Variants in TENM2 observed in about 807,000 individuals in gnomAD.
TENM2 encodes the protein teneurin transmembrane protein 2.
TENM2 carries 52 observed loss-of-function variants against 245.2 expected under a neutral mutation model. That is an observed-to-expected ratio of 0.21 (90% CI 0.17 to 0.27). The LOEUF (loss-of-function observed/expected upper bound fraction) is 0.27, where lower values mean the gene tolerates loss of function less well. TENM2 is among the 10% of genes least tolerant of loss of function. The pLI is 1.00. For synonymous variants in TENM2, 1,363 were observed against 1,438.9 expected (o/e 0.95, Z 1.19); for missense variants, 3,046 against 3,666.8 (o/e 0.83, Z 4.37).
chr5:167,706,022 TTA>T, intron 2 of TENM2, among the ~76,000 whole-genome samples: 1 of 145,054 alleles, frequency 6.9e-6, no homozygotes, highest in African/African-American at 2.5e-5. Context: ...CTTATTTATA[TTA>T]TATATTATAT....
At chr5:167,894,198 G>T (rs1774991370) in intron 3 of TENM2, among the ~76,000 whole-genome samples, 1 of 152,166 alleles carries the variant, frequency 6.6e-6, no homozygotes, top group Non-Finnish European at 1.5e-5. Context: ...TGGATGGATG[G>T]ATGGATGGAT....
At chr5:167,375,136 A>G in intron 1 of TENM2, 62 bp from the exon 4 acceptor site, 1 of 1,510,770 alleles carries the variant, frequency 6.6e-7, no homozygotes, top group Non-Finnish European at 8.9e-7. Flanking sequence ...TGTAAGGATA[A>G]ATTTTAACTT....
intron 12 of TENM2, among the ~76,000 whole-genome samples, chr5:168,151,614 A>G (rs1335648870): frequency 6.6e-6 from 1 of 152,300 alleles, no homozygotes; most frequent in Non-Finnish European, 1.5e-5. Context: ...TTTACCCAAG[A>G]TCATGCAGCC....
intron 2 of TENM2, among the ~76,000 whole-genome samples, chr5:167,861,792 G>A (rs926633373): frequency 5.9e-5 from 9 of 152,192 alleles, no homozygotes; most frequent in African/African-American, 2.2e-4. Context: ...GATAGCACAG[G>A]GCTCAAGCGA....
intron 2 of TENM2, among the ~76,000 whole-genome samples, chr5:167,801,905 G>GACACACACACACACAC (rs10643504): frequency 6.7e-5 from 10 of 149,378 alleles, no homozygotes; most frequent in African/African-American, 2.2e-4. Flanking sequence ...CACACACACA[G>GACACACACACACACAC]ACACACACAC....
Position 167,767,811 on chromosome 5 carries a change from C to T in TENM2, c.503-108175C>T, listed in dbSNP as rs181850279. ...TGATATACTTGAAGTCTGTAGACCA[C>T]ACTTGTGGGGGTAAAAGACTGGCAA... On this transcript the variant is annotated intron_variant, in intron 2 of 28. Coordinates refer to ENST00000518659, the Ensembl canonical transcript of TENM2. 9.9e-4 allele frequency among the ~76,000 whole-genome samples: 151 copies of T among 152,286 alleles called. 1 individual carries two copies. Among genetic ancestry groups the T allele is most frequent in the South Asian group, 2.1e-3 (10 of 4,824 alleles).
intron 2 of TENM2, among the ~76,000 whole-genome samples, chr5:167,767,337 C>T (rs1264807578): frequency 2.0e-5 from 3 of 152,182 alleles, no homozygotes; most frequent in Non-Finnish European, 4.4e-5. Context: ...AATGAGACAT[C>T]TTAGAGTAGT....
intron 2 of TENM2, among the ~76,000 whole-genome samples, chr5:167,723,557 C>A (rs1227226229): frequency 1.3e-5 from 2 of 152,170 alleles, no homozygotes. Context: ...GGAAGGCTGT[C>A]CACCATTTGA....
intron 2 of TENM2, among the ~76,000 whole-genome samples, chr5:167,633,927 A>T (rs1779029491): frequency 6.6e-6 from 1 of 152,182 alleles, no homozygotes. Flanking sequence ...CCAAGAGAGA[A>T]ATTTCCTTCT....
At chr5:167,470,714 C>T (rs1766970755) in intron 2 of TENM2, among the ~76,000 whole-genome samples, 1 of 151,908 alleles carries the variant, frequency 6.6e-6, no homozygotes, top group Admixed American at 6.6e-5. Context: ...CCCTGGTATG[C>T]TGTCATACAT....
chr5:167,546,470 G>T (rs1385227957), intron 2 of TENM2, among the ~76,000 whole-genome samples: 1 of 152,142 alleles, frequency 6.6e-6, no homozygotes, highest in Non-Finnish European at 1.5e-5. Context: ...TCAAGAAATG[G>T]AGTCTGGTGC....
rs114186338 is a variant in TENM2 at position 167,842,966 on chromosome 5, C to G, written c.503-33020C>G. On this transcript the variant is annotated intron_variant, in intron 2 of 28. Transcript: ENST00000518659. ...TCATTCACCAGCCTGTTTTAGGACA[C>G]GATGAAATGCCTCCTACATAGCACT... 2.6e-5 allele frequency among the ~76,000 whole-genome samples: 4 copies of G among 152,230 alleles called. No individual in the cohort carries two copies. The South Asian group carries it at 8.3e-4, about 32-fold the overall frequency.
chr5:167,487,451 TTATA>T (rs767464381), intron 2 of TENM2, among the ~76,000 whole-genome samples: 10 of 152,092 alleles, frequency 6.6e-5, no homozygotes, highest in Admixed American at 1.3e-4. Flanking sequence ...ATTTATGTGT[TTATA>T]TATATGTGTT....
intron 2 of TENM2, among the ~76,000 whole-genome samples, chr5:167,413,297 T>G (rs1418678325): frequency 6.6e-6 from 1 of 152,062 alleles, no homozygotes; most frequent in Non-Finnish European, 1.5e-5. Context: ...TGTAGGTCTC[T>G]GATTGAGTAA....
chr5:167,390,080 A>T (rs906012021), intron 2 of TENM2, among the ~76,000 whole-genome samples: 1 of 152,210 alleles, frequency 6.6e-6, no homozygotes, highest in Non-Finnish European at 1.5e-5. Context: ...ATGCTTAAAA[A>T]GTGTTCACTT....
chr5:168,004,894 A>G (rs1171540194), intron 5 of TENM2, among the ~76,000 whole-genome samples: 3 of 152,130 alleles, frequency 2.0e-5, no homozygotes, highest in African/African-American at 7.2e-5. Flanking sequence ...TTAGGCTTTT[A>G]AAAAACTTAC....
chr5:167,715,005 C>T (rs1759165782), intron 2 of TENM2, among the ~76,000 whole-genome samples: 1 of 152,126 alleles, frequency 6.6e-6, no homozygotes. Context: ...CTCTCTCTTT[C>T]TTGTTGATAG....
the TENM2 span, among the ~76,000 whole-genome samples, chr5:167,062,019 A>C: frequency 1.3e-5 from 2 of 152,016 alleles, no homozygotes; most frequent in African/African-American, 4.8e-5. Context: ...TGTGCTGAAC[A>C]GCCACAGAAA....
At chr5:167,723,726 C>T (rs1407736566) in intron 2 of TENM2, among the ~76,000 whole-genome samples, 1 of 152,192 alleles carries the variant, frequency 6.6e-6, no homozygotes, top group Non-Finnish European at 1.5e-5. Flanking sequence ...GTACACAAGG[C>T]TCCCTCCCTC....
Sources: gnomAD v4.1 joint callset for allele counts (sites outside exome capture counted in the v4.1 genomes callset) on GRCh38, gnomAD v4.1.1 for gene constraint, MANE v1.5 for transcripts, NCBI Gene and HGNC (gene_info 2026-07-23, HGNC 2026-07-21) for gene names.